Variants in VEZT observed in about 807,000 individuals in gnomAD.
VEZT encodes vezatin, adherens junctions transmembrane protein, also known as vezatin.
Under a neutral mutation model 79.9 loss-of-function variants are expected in VEZT, and 39 were observed. The observed-to-expected ratio is 0.49, with a 90% CI of 0.38 to 0.64. VEZT has a LOEUF of 0.64. Ranked by LOEUF, VEZT falls within the 30% of genes least tolerant of loss-of-function variation. The probability of loss-of-function intolerance (pLI) is 0.00; values close to 1 mark genes in which losing one functional copy is unlikely to be tolerated. For missense variants in VEZT, 837 were observed against 893.1 expected (o/e 0.94, Z 0.80); for synonymous variants, 325 against 327.6 (o/e 0.99, Z 0.09).
At chr12:95,281,125 T>G (rs2068982370) in intron 7 of VEZT, among the ~76,000 whole-genome samples, 1 of 152,232 alleles carries the variant, frequency 6.6e-6, no homozygotes, top group Non-Finnish European at 1.5e-5. Context: ...TGTTTCATAC[T>G]ACATTGTTTC....
chr12:95,218,825 C>G (rs922609395), intron 1 of VEZT, among the ~76,000 whole-genome samples: 4 of 152,090 alleles, frequency 2.6e-5, no homozygotes, highest in Non-Finnish European at 5.9e-5. Context: ...ACGCGATATC[C>G]GAGGTGAATC....
chr12:95,257,144 C>T lies in VEZT; in HGVS notation c.169-6C>T, dbSNP rs1481791888. On this transcript the variant is annotated splice_region_variant and splice_polypyrimidine_tract_variant and intron_variant, in intron 2 of 11. Coordinates refer to ENST00000436874, the MANE Select transcript of VEZT (RefSeq NM_017599.4). ...AATCCTATACAATGTCATTCATTTCCTTCAGCAAGGTATCCTGTTAAAAGT... is the reference window on the plus strand; with the variant it reads ...AATCCTATACAATGTCATTCATTTCTTTCAGCAAGGTATCCTGTTAAAAGT... The T allele has an allele frequency of 6.2e-7, 1 of 1,606,150 alleles. No homozygotes were observed. Among genetic ancestry groups the T allele is most frequent in the Non-Finnish European group, 8.5e-7 (1 of 1,176,322 alleles).
chr12:95,295,992 A>G lies in VEZT; in HGVS notation c.1624-59A>G, dbSNP rs1013137876. 4.9e-6 allele frequency: 6 copies of G among 1,230,428 alleles called. No homozygotes were observed. The African/African-American group carries it at 9.2e-5, about 19-fold the overall frequency. The allele number at this position is 1,230,428 out of a possible 1,614,324, so 76.2% of individuals were successfully genotyped here. On this transcript the variant is annotated intron_variant, in intron 10 of 11. Transcript: ENST00000436874. ...GAGATAAGTAAGTGCAAGTAAATGA[A>G]TGCTTACTAGAGAATTGTTTGCTTC...
intron 1 of VEZT, among the ~76,000 whole-genome samples, chr12:95,226,899 T>C (rs2058571290): frequency 6.7e-6 from 1 of 149,918 alleles, no homozygotes; most frequent in Non-Finnish European, 1.5e-5. Flanking sequence ...ATCATTTGTT[T>C]TAATTAGAAT....
intron 7 of VEZT, among the ~76,000 whole-genome samples, chr12:95,278,503 CAA>C (rs1299476358): frequency 1.3e-5 from 2 of 152,152 alleles, no homozygotes; most frequent in African/African-American, 4.8e-5. Context: ...CTGTAATGTT[CAA>C]AGACTGTGTA....
Position 95,234,663 on chromosome 12 carries a change from T to TTTTA in VEZT, c.36+16797_36+16800dup, listed in dbSNP as rs548122414. 3.5e-3 allele frequency among the ~76,000 whole-genome samples: 536 copies of TTTTA among 152,140 alleles called. 6 individuals carry two copies. The highest frequency in any genetic ancestry group is 0.012 in the African/African-American group (493 of 41,496). ...TGAAAGTAGTTTTGTTTTTTTTGTT[T>TTTTA]TTTATTTATTTATTTATTTATTTTT... On this transcript the variant is annotated intron_variant, in intron 1 of 11. Transcript: ENST00000436874.
Position 95,264,869 on chromosome 12 carries a change from C to CTT in VEZT, c.435-1468_435-1467dup, listed in dbSNP as rs71078693. On this transcript the variant is annotated intron_variant, in intron 4 of 11. Transcript: ENST00000436874. ...TATACTCCCCTCTTTCTTTTCTTTT[C>CTT]TTTTTTTTTTTTTTTTTTTTTGAGA... Among the ~76,000 whole-genome samples, 220 of 113,288 alleles carry CTT rather than the reference C, an allele frequency of 1.9e-3. 2 individuals are homozygous for CTT. Among genetic ancestry groups the CTT allele is most frequent in the Middle Eastern group, 6.0e-3 (1 of 166 alleles). The allele number at this position is 113,288 out of a possible 152,430, so 74.3% of individuals were successfully genotyped here.
rs540381666 is a variant in VEZT, at chr12:95,267,403, T to C, written c.710+771T>C. On this transcript the variant is annotated intron_variant, in intron 5 of 11. Transcript: ENST00000436874. ...GATGACAGTTGTGTGCTAGTATATTTAATAATTTATATAACCTATATAACT... is the reference window on the plus strand; with the variant it reads ...GATGACAGTTGTGTGCTAGTATATTCAATAATTTATATAACCTATATAACT... 5.3e-5 allele frequency among the ~76,000 whole-genome samples: 8 copies of C among 152,270 alleles called. No individual in the cohort carries two copies. In the South Asian group the frequency reaches 1.5e-3, roughly 28 times the overall value.
intron 8 of VEZT, chr12:95,286,346 C>A: frequency 2.2e-6 from 1 of 457,678 alleles, no homozygotes; most frequent in South Asian, 1.8e-5. Flanking sequence ...AGTCTTTCTT[C>A]ATAAAAAGCA....
intron 1 of VEZT, among the ~76,000 whole-genome samples, chr12:95,237,712 T>C (rs2060384561): frequency 2.0e-5 from 3 of 152,240 alleles, no homozygotes; most frequent in South Asian, 2.1e-4. Context: ...AATTTCTAAA[T>C]TGGTAATCCA....
chr12:95,276,780 C>T (rs2067877533), intron 7 of VEZT, among the ~76,000 whole-genome samples: 1 of 152,270 alleles, frequency 6.6e-6, no homozygotes, highest in Non-Finnish European at 1.5e-5. Context: ...TCTAAATCAA[C>T]ATAAATGTTC....
chr12:95,262,375 A>C (rs1404937179), intron 3 of VEZT: 1 of 152,244 alleles, frequency 6.6e-6, no homozygotes, highest in Non-Finnish European at 1.5e-5. Flanking sequence ...AGGAGAAATA[A>C]ATGAGCTCGT....
intron 7 of VEZT, 104 bp downstream of exon 7, chr12:95,274,993 G>A (rs2138969844): frequency 7.4e-7 from 1 of 1,353,718 alleles, no homozygotes; most frequent in East Asian, 2.4e-5. Flanking sequence ...CTCATTGTTT[G>A]CTGCATACCA....
rs770010739 is a variant in VEZT, at chr12:95,282,289, GTTCTTTT to G, written c.997-10_997-4del. 32 of 1,552,196 alleles carry G rather than the reference GTTCTTTT, an allele frequency of 2.1e-5. No individual in the cohort carries two copies. Among genetic ancestry groups the G allele is most frequent in the East Asian group, 6.8e-5 (3 of 44,418 alleles). ...ACTGACCAATATTTTTATTGATCTA[GTTCTTTT>G]TTCTTTTTTCTTTAAGGTTTTGTTC... On this transcript the variant is annotated splice_polypyrimidine_tract_variant and intron_variant, in intron 7 of 11. Coordinates refer to ENST00000436874, the MANE Select transcript of VEZT (RefSeq NM_017599.4).
At chr12:95,286,305 G>A (rs2139453514) in intron 8 of VEZT, 1 of 388,486 alleles carries the variant, frequency 2.6e-6, no homozygotes, top group Non-Finnish European at 5.0e-6. Context: ...AATTTTACAT[G>A]TATGTATGTA....
At chr12:95,227,815 G>T (rs1467614027) in intron 1 of VEZT, among the ~76,000 whole-genome samples, 1 of 152,170 alleles carries the variant, frequency 6.6e-6, no homozygotes, top group African/African-American at 2.4e-5. Context: ...TATTCCTAGA[G>T]GGAAGAGTGC....
rs1445558120 is a variant in VEZT, at chr12:95,282,480, T to C, written c.1164T>C (p.Cys388=). ...TQGLPHAHSA[C]LEELKRSYEF... is the part of the protein sequence containing the mutation. Reference sequence around the variant, plus strand: ...GTCTACCTCATGCTCATTCTGCCTGTTTGGAAGAGCTTAAGCGCAGCTATG... The same window carrying C: ...GTCTACCTCATGCTCATTCTGCCTGCTTGGAAGAGCTTAAGCGCAGCTATG... Residue 388 remains cysteine, a synonymous_variant, in exon 8 of 12, where the codon TGT becomes TGC. Transcript: ENST00000436874. 1 of 1,613,862 alleles carries C rather than the reference T, an allele frequency of 6.2e-7. No homozygotes were observed. The highest frequency in any genetic ancestry group is 8.5e-7 in the Non-Finnish European group (1 of 1,179,890).
At chr12:95,288,054 A>G (rs1486499703) in intron 9 of VEZT, among the ~76,000 whole-genome samples, 197 bp downstream of exon 9, 2 of 152,210 alleles carry the variant, frequency 1.3e-5, no homozygotes, top group African/African-American at 2.4e-5. Context: ...GTAAATTAAA[A>G]ATGAATATGA....
chr12:95,250,744 G>C (rs2062448198), intron 1 of VEZT, among the ~76,000 whole-genome samples: 1 of 104,720 alleles, frequency 9.5e-6, no homozygotes, highest in Admixed American at 9.8e-5. Context: ...TGGGGTTGGG[G>C]TGATTTTTTT....
Sources: allele counts gnomAD v4.1 joint callset (sites outside exome capture counted in the v4.1 genomes callset), GRCh38; gene constraint gnomAD v4.1.1; transcripts MANE v1.5; gene names NCBI Gene and HGNC (gene_info 2026-07-23, HGNC 2026-07-21).